Variants in ZNF500 observed in about 807,000 individuals in gnomAD.
ZNF500 encodes the protein zinc finger protein 500, also known as zinc finger protein with KRAB and SCAN domains 18.
Under a neutral mutation model 30.1 loss-of-function variants are expected in ZNF500, and 31 were observed. The observed-to-expected ratio is 1.03, with a 90% CI of 0.77 to 1.39. ZNF500 has a LOEUF of 1.39. Ranked by LOEUF, ZNF500 falls within the 40% of genes most tolerant of loss-of-function variation. The pLI, the probability that ZNF500 is intolerant of heterozygous loss-of-function variation, is 0.00. For missense variants in ZNF500, 817 were observed against 657.8 expected, an observed-to-expected ratio of 1.24 and a Z score of -2.65; for synonymous variants, 392 against 282.0, an observed-to-expected ratio of 1.39 and a Z score of -3.91.
At position 4,762,620 on chromosome 16, in the gene ZNF500, TG is replaced by T. The variant is rs1355490791; in HGVS notation, c.550del (p.Gln184SerfsTer2). 1.9e-6 allele frequency: 3 copies of T among 1,614,100 alleles called. No homozygotes were observed. In the Admixed American group the frequency reaches 5.0e-5, roughly 27 times the overall value. On this transcript the variant is annotated frameshift_variant, in exon 3 of 6. Coordinates refer to ENST00000219478, the MANE Select transcript of ZNF500 (RefSeq NM_021646.4). LOFTEE classifies it high-confidence loss of function. ...GCCCCTCTGTGGCCTGTGGCTCAGC[TG>T]GGCTGGGGGCTGCTGGCTGGAGAAT... The part of the protein sequence containing the change: ...ARFSSQQPPA[Q>X]LSHRPQRGPL...
In ZNF500 at chr16:4,752,569, C is replaced by T. The variant is rs771036638; in HGVS notation, c.1250G>A (p.Arg417His). 8.9e-6 allele frequency: 14 copies of T among 1,576,734 alleles called. No homozygotes were observed. In the East Asian group the frequency reaches 1.9e-4, roughly 21 times the overall value. Residue 417 changes from arginine to histidine, a missense_variant, in exon 6 of 6, where the codon CGC (arginine) becomes CAC (histidine). By Grantham distance (29) the Arg-to-His change is conservative (BLOSUM62 0). Transcript: ENST00000219478. ...GCTGAAGTGCGAGCTGTTGTTGAAG[C>T]GCTTCCCGCACTGGGTGCAGGCATA... ...RPYACTQCGK[R>H]FNNSSHFSAH... is the part of the protein sequence containing the mutation.
In ZNF500 at chr16:4,765,954, G is replaced by T; in HGVS notation, c.25C>A (p.Pro9Thr). The change falls in exon 2 of 6, where the codon CCC becomes ACC. Residue 9 changes from proline to threonine, a missense_variant. By Grantham distance (38) the Pro-to-Thr change is conservative (BLOSUM62 -1). Coordinates refer to ENST00000219478, the MANE Select transcript of ZNF500 (RefSeq NM_021646.4). MATVPGLQPLPTLEQDLEQ... is the reference protein window; with the variant it reads MATVPGLQTLPTLEQDLEQ... ...AGGTCCTGCTCCAAGGTTGGCAGGG[G>T]CTGGAGGCCAGGGACAGTGGCCATT... 1 of 1,584,528 alleles carries T rather than the reference G, an allele frequency of 6.3e-7. No individual in the cohort carries two copies. The highest frequency in any genetic ancestry group is 8.6e-7 in the Non-Finnish European group (1 of 1,167,196).
At chr16:4,745,904 G>C (rs1273641738), downstream of ZNF500, among the ~76,000 whole-genome samples, 1 of 143,454 alleles carries the variant, frequency 7.0e-6, no homozygotes, top group African/African-American at 2.6e-5. Context: ...CAGTGACCAA[G>C]ATCATGCCAC....
intron 2 of ZNF500, chr16:4,763,766 G>A: frequency 1.0e-6 from 1 of 985,424 alleles, no homozygotes; most frequent in Non-Finnish European, 1.2e-6. Context: ...AAAGAGGCTG[G>A]CCGGCTGGGA....
At position 4,752,493 on chromosome 16, in the gene ZNF500, A is replaced by T; in HGVS notation, c.1326T>A (p.Cys442Ter). 6.4e-7 allele frequency: 1 copy of T among 1,550,806 alleles called. No homozygotes were observed. The highest frequency in any genetic ancestry group is 8.7e-7 in the Non-Finnish European group (1 of 1,152,952). The stretch of plus-strand genomic sequence containing the variant: ...CGGTGCCCCGGCGGAAGCCCCGGCC[A>T]CAGGCCGGGCAGGTGTAGGGCTTCT... ...TGEKPYTCPACGRGFRRGTDL... is the reference protein window; with the variant it reads ...TGEKPYTCPA Residue 442 changes from cysteine (C) to a stop codon, truncating the protein, a stop_gained, in exon 6 of 6, where the codon TGT (cysteine) becomes TGA (stop). Coordinates refer to ENST00000219478, the MANE Select transcript of ZNF500 (RefSeq NM_021646.4). LOFTEE classifies it low-confidence loss of function (END_TRUNC).
At chr16:4,760,682 C>G in intron 4 of ZNF500, 94 bp from the exon 5 acceptor site, 1 of 1,143,880 alleles carries the variant, frequency 8.7e-7, no homozygotes, top group Non-Finnish European at 1.3e-6. Context: ...CGCCACTGCC[C>G]CTCGAGGCTG....
chr16:4,761,474 TACATAC>T (rs1567533670), intron 4 of ZNF500, among the ~76,000 whole-genome samples: 5 of 34,406 alleles, frequency 1.5e-4, no homozygotes, highest in Admixed American at 3.8e-4. Context: ...CAAATACACA[TACATAC>T]ACACACACAC....
chr16:4,757,183 T>C (rs558674915), intron 5 of ZNF500, among the ~76,000 whole-genome samples: 1 of 152,210 alleles, frequency 6.6e-6, no homozygotes, highest in Non-Finnish European at 1.5e-5. Flanking sequence ...AATTTCTTTT[T>C]CTTTGAGCAG....
At chr16:4,763,193 T>C (rs2082226776) in intron 2 of ZNF500, 2 of 866,740 alleles carry the variant, frequency 2.3e-6, no homozygotes, top group African/African-American at 1.8e-5. Context: ...AGGCCAGGAG[T>C]TCGAGACCAG....
intron 5 of ZNF500, among the ~76,000 whole-genome samples, chr16:4,754,354 T>G (rs912331664): frequency 6.6e-6 from 1 of 152,012 alleles, no homozygotes; most frequent in Non-Finnish European, 1.5e-5. Flanking sequence ...AGCCTCAAAT[T>G]CCACATCTAA....
rs1414053273 is a variant in ZNF500, at chr16:4,762,327, C to G, written c.607G>C (p.Ala203Pro). Residue 203 changes from alanine to proline, a missense_variant, in exon 4 of 6, where the codon GCT becomes CCT. Physicochemically the swap from Ala to Pro is conservative, Grantham distance 27 (BLOSUM62 -1). Transcript: ENST00000219478. ...PLLWPERGPP[A>P]PRHQEMASAS... ...GACGCCATCTCCTGATGCCGGGGAG[C>G]TGGAGGGCCTGGGAAGGAGCAGAGT... 1 of 1,606,880 alleles carries G rather than the reference C, an allele frequency of 6.2e-7. No individual in the cohort carries two copies. Among genetic ancestry groups the G allele is most frequent in the Admixed American group, 1.7e-5 (1 of 58,982 alleles).
intron 5 of ZNF500, among the ~76,000 whole-genome samples, chr16:4,757,139 G>A (rs114544256): frequency 4.1e-4 from 63 of 152,290 alleles, no homozygotes; most frequent in African/African-American, 1.3e-3. Context: ...CCACTGAACC[G>A]TTTACTGAAA....
Position 4,751,969 on chromosome 16 carries a change from G to T in ZNF500, c.*407C>A. The stretch of plus-strand genomic sequence containing the variant: ...CACAGAGACAGCGCACAGGGTCACA[G>T]ACACACAGGAGAGGGGTTGGGACGT... On this transcript the variant is annotated 3_prime_UTR_variant, in exon 6 of 6. Transcript: ENST00000219478. 2.4e-6 allele frequency: 2 copies of T among 821,402 alleles called. No homozygotes were observed. Among genetic ancestry groups the T allele is most frequent in the Non-Finnish European group, 3.4e-6 (2 of 593,528 alleles). 50.9% of individuals were successfully genotyped at this position (821,402 alleles called of 1,614,324 possible).
intron 5 of ZNF500, among the ~76,000 whole-genome samples, chr16:4,754,183 T>A (rs1056481648): frequency 6.6e-6 from 1 of 152,112 alleles, no homozygotes; most frequent in Non-Finnish European, 1.5e-5. Context: ...GCACACGCCA[T>A]GCTGACCTCA....
At chr16:4,745,364 T>A (rs1347123153), downstream of ZNF500, among the ~76,000 whole-genome samples, 1 of 152,198 alleles carries the variant, frequency 6.6e-6, no homozygotes, top group South Asian at 2.1e-4. Flanking sequence ...AGCTGATTGG[T>A]CCAGCTCTGG....
intron 5 of ZNF500, chr16:4,756,190 G>A (rs573985545): frequency 2.0e-5 from 3 of 152,310 alleles, no homozygotes; most frequent in South Asian, 4.1e-4. Flanking sequence ...TTGACGTCAG[G>A]AGTTCTCGCC....
chr16:4,747,578 C>T (rs770512545), downstream of ZNF500: 1 of 1,610,530 alleles, frequency 6.2e-7, no homozygotes, highest in Non-Finnish European at 8.5e-7. Flanking sequence ...TGTTCCTGAG[C>T]CAGGGGCAGC....
chr16:4,754,645 C>T (rs1171683226), intron 5 of ZNF500, among the ~76,000 whole-genome samples: 2 of 146,656 alleles, frequency 1.4e-5, no homozygotes, highest in Non-Finnish European at 1.5e-5. Flanking sequence ...GCCTGGGCGA[C>T]AGAGCGAGAC....
downstream of ZNF500, chr16:4,744,909 A>G: frequency 6.2e-7 from 1 of 1,613,928 alleles, no homozygotes; most frequent in Non-Finnish European, 8.5e-7. Context: ...CTCATGGAAC[A>G]GCTGGCCCTC....
Sources: allele counts gnomAD v4.1 joint callset (sites outside exome capture counted in the v4.1 genomes callset), GRCh38; gene constraint gnomAD v4.1.1; transcripts MANE v1.5; gene names NCBI Gene and HGNC (gene_info 2026-07-23, HGNC 2026-07-21).